The following SV2A variants were observed in gnomAD, a reference collection of about 807,000 sequenced individuals.
SV2A encodes synaptic vesicle glycoprotein 2A, also known as solute carrier family 22 member B1.
SV2A carries 25 observed loss-of-function variants against 78.0 expected under a neutral mutation model. The ratio of observed to expected loss-of-function variants is 0.32; its 90% CI spans 0.23 to 0.45. The LOEUF (loss-of-function observed/expected upper bound fraction) is 0.45, where lower values mean the gene tolerates loss of function less well. Among genes scored for constraint, SV2A ranks in the 20% least tolerant of loss-of-function variants. SV2A has a pLI of 1.00. For synonymous variants in SV2A, 355 were observed against 384.7 expected, an observed-to-expected ratio of 0.92 and a Z score of 0.90; for missense variants, 752 against 971.5, an observed-to-expected ratio of 0.77 and a Z score of 3.00.
At chr1:149,916,600 T>C (rs1553764568) in intron 1 of SV2A, among the ~76,000 whole-genome samples, 1 of 152,198 alleles carries the variant, frequency 6.6e-6, no homozygotes, top group African/African-American at 2.4e-5. Flanking sequence ...GAACAGCTCA[T>C]CCAGCCCTGG....
chr1:149,910,433 T>G lies in SV2A; in HGVS notation c.1089+137A>C. On this transcript the variant is annotated intron_variant, in intron 5 of 12. Coordinates refer to ENST00000369146, the MANE Select transcript of SV2A (RefSeq NM_014849.5). This position sits in a 1 kb window ranked among gnomAD's most constrained non-coding sequence, Gnocchi z 4.2. ...ATGCAAGATAAAGTCCCCTGGAGAG[T>G]GGACTCTGTGAGGAAGGCAGGCAGT... is the stretch of plus-strand genomic sequence containing the variant. 2 of 1,247,208 alleles carry G rather than the reference T, an allele frequency of 1.6e-6. No homozygotes were observed. Among genetic ancestry groups the G allele is most frequent in the Admixed American group, 2.9e-5 (1 of 34,336 alleles). 77.3% of individuals were successfully genotyped at this position (1,247,208 alleles called of 1,614,324 possible).
chr1:149,905,094 G>GGAT lies in SV2A; in HGVS notation c.2146_2148dup (p.Ile716dup). On this transcript the variant is annotated inframe_insertion, in exon 13 of 13. Transcript: ENST00000369146. ...AGGGCAAGGGCAGCTGAGGCAAAGA[G>GGAT]GATGGGTGCAGCCTTGGTGATTCCC... is the stretch of plus-strand genomic sequence containing the variant. 6.2e-7 allele frequency: 1 copy of GGAT among 1,613,480 alleles called. No homozygotes were observed. Among genetic ancestry groups the GGAT allele is most frequent in the South Asian group, 1.1e-5 (1 of 90,816 alleles).
chr1:149,909,700 A>T, intron 6 of SV2A, 101 bp downstream of exon 6: 1 of 1,455,790 alleles, frequency 6.9e-7, no homozygotes, highest in Non-Finnish European at 9.6e-7. Flanking sequence ...AAATCTCCTT[A>T]CGGTAGAGTG....
Position 149,904,835 on chromosome 1 carries a change from G to A in SV2A, c.*179C>T, listed in dbSNP as rs1051747686. 1.5e-5 allele frequency: 10 copies of A among 649,878 alleles called. No homozygotes were observed. Among genetic ancestry groups the A allele is most frequent in the Non-Finnish European group, 2.6e-5 (10 of 389,478 alleles). 40.3% of individuals were successfully genotyped at this position (649,878 alleles called of 1,614,324 possible). The stretch of plus-strand genomic sequence containing the variant: ...AAACTGGGATGAAGGAGCCTTCCCT[G>A]TAGTCCCTGCCCACGGGGTTTACAC... On this transcript the variant is annotated 3_prime_UTR_variant, in exon 13 of 13. Transcript: ENST00000369146.
At position 149,911,973 on chromosome 1, in the gene SV2A, G is replaced by A. The variant is rs782721025; in HGVS notation, c.630C>T (p.Ile210=). ...SDSNKGMLGL[I]VYLGMMVGAF... The stretch of plus-strand genomic sequence containing the variant: ...CTCCCACCATCATGCCCAGGTAGAC[G>A]ATGAGGCCTGGAAGGAGGAGGAAAA... Residue 210 remains isoleucine, a synonymous_variant, in exon 3 of 13, where the codon ATC becomes ATT. Coordinates refer to ENST00000369146, the MANE Select transcript of SV2A (RefSeq NM_014849.5). 30 of 1,613,734 alleles carry A rather than the reference G, an allele frequency of 1.9e-5. No homozygotes were observed. The highest frequency in any genetic ancestry group is 1.8e-4 in the South Asian group (16 of 91,038).
At chr1:149,911,731 G>T in intron 3 of SV2A, 69 bp downstream of exon 3, 2 of 1,482,352 alleles carry the variant, frequency 1.3e-6, no homozygotes, top group Non-Finnish European at 1.9e-6. Flanking sequence ...CACTGTGCTG[G>T]GCCCTAAAGA....
Position 149,914,069 on chromosome 1 carries a change from G to T in SV2A, c.-229C>A. ...GACCTATACCCAGTTCAGTTGGGTG[G>T]ATGGGGAAGGGACAGGGGGAGCAGG... On this transcript the variant is annotated 5_prime_UTR_variant, in exon 2 of 13. Transcript: ENST00000369146. The T allele has an allele frequency of 1.9e-6, 1 of 516,550 alleles. No individual in the cohort carries two copies. Among genetic ancestry groups the T allele is most frequent in the Non-Finnish European group, 3.2e-6 (1 of 311,102 alleles). The allele number at this position is 516,550 out of a possible 1,614,324, so 32.0% of individuals were successfully genotyped here.
At position 149,904,797 on chromosome 1, in the gene SV2A, C is replaced by T. The variant is rs1482915781; in HGVS notation, c.*217G>A. ...CAAGGGCAGTGGGAAATGGGGAGTACAGCTTCATCTCAAAACTGGGATGAA... is the reference window on the plus strand; with the variant it reads ...CAAGGGCAGTGGGAAATGGGGAGTATAGCTTCATCTCAAAACTGGGATGAA... On this transcript the variant is annotated 3_prime_UTR_variant, in exon 13 of 13. Coordinates refer to ENST00000369146, the MANE Select transcript of SV2A (RefSeq NM_014849.5). 7 of 531,342 alleles carry T rather than the reference C, an allele frequency of 1.3e-5. No homozygotes were observed. The highest frequency in any genetic ancestry group is 4.9e-4 in the Middle Eastern group (1 of 2,028). 32.9% of individuals were successfully genotyped at this position (531,342 alleles called of 1,614,324 possible).
At position 149,910,868 on chromosome 1, in the gene SV2A, C is replaced by T. The variant is rs781948463; in HGVS notation, c.913G>A (p.Val305Met). 23 of 1,614,088 alleles carry T rather than the reference C, an allele frequency of 1.4e-5. No individual in the cohort carries two copies. Among genetic ancestry groups the T allele is most frequent in the East Asian group, 6.7e-5 (3 of 44,900 alleles). The change falls in exon 4 of 13, where the codon GTG becomes ATG. Residue 305 changes from valine (V) to methionine (M), a missense_variant. Coordinates refer to ENST00000369146, the MANE Select transcript of SV2A (RefSeq NM_014849.5). The surrounding 1 kb of genome is among the most constrained non-coding windows in gnomAD (Gnocchi z 4.2). ...GCCCAGGCCATAGCAGCTGCGTACA[C>T]GCCACCAATCATCCAAAACATGCAG... The part of the protein sequence containing the change: ...WLCMFWMIGG[V>M]YAAAMAWAII...
Position 149,913,819 on chromosome 1 carries a change from G to C in SV2A, c.22C>G (p.Arg8Gly). 6.2e-7 allele frequency: 1 copy of C among 1,609,704 alleles called. No individual in the cohort carries two copies. The highest frequency in any genetic ancestry group is 8.5e-7 in the Non-Finnish European group (1 of 1,176,862). The change falls in exon 2 of 13, where the codon CGG becomes GGG. Residue 8 changes from arginine (R) to glycine (G), a missense_variant. By Grantham distance (125) the Arg-to-Gly change is moderately radical (BLOSUM62 -2). Around this residue, in one of 7 missense-constraint regions of SV2A, gnomAD observed 291 missense variants for 359.5 expected, o/e 0.81. Transcript: ENST00000369146. ...TTGGCCCCACGGATGAAAGCTGCCC[G>C]GTCTCGGAAGCCCTCTTCCATGATG... MEEGFRD[R>G]AAFIRGAKDI... is the part of the protein sequence containing the mutation.
In SV2A at chr1:149,905,875, A is replaced by G. The variant is rs782538464; in HGVS notation, c.2045+5T>C. ...ACTGCCCTGCCTCCAACACATTCCA[A>G]CTACCTCTTGTCTGAGGGGTAGAGT... On this transcript the variant is annotated splice_donor_5th_base_variant and intron_variant, in intron 12 of 12. Coordinates refer to ENST00000369146, the MANE Select transcript of SV2A (RefSeq NM_014849.5). The G allele has an allele frequency of 3.7e-6, 6 of 1,613,640 alleles. No homozygotes were observed. The highest frequency in any genetic ancestry group is 2.7e-5 in the African/African-American group (2 of 74,818).
chr1:149,917,419 C>T (rs2092522034), intron 1 of SV2A, among the ~76,000 whole-genome samples: 1 of 152,166 alleles, frequency 6.6e-6, no homozygotes, highest in Non-Finnish European at 1.5e-5. Context: ...GAGGGAACCT[C>T]ATCCCACCTC....
At chr1:149,908,800 G>A (rs1464950158) in intron 8 of SV2A, among the ~76,000 whole-genome samples, 4 of 152,056 alleles carry the variant, frequency 2.6e-5, no homozygotes, top group African/African-American at 9.7e-5. Flanking sequence ...ACCATGCCCG[G>A]CTAATTTTTT....
intron 11 of SV2A, 56 bp from the exon 12 acceptor site, chr1:149,906,095 C>T: frequency 4.4e-6 from 7 of 1,593,338 alleles, no homozygotes; most frequent in East Asian, 2.3e-5. Flanking sequence ...AACCCACCCA[C>T]AGCCCACCCT....
intron 6 of SV2A, 69 bp downstream of exon 6, chr1:149,909,732 C>G: frequency 6.4e-7 from 1 of 1,559,880 alleles, no homozygotes; most frequent in Non-Finnish European, 8.8e-7. Context: ...GGGGGGTACT[C>G]AGAGAGGGGC....
intron 1 of SV2A, among the ~76,000 whole-genome samples, chr1:149,915,913 G>A (rs61807546): frequency 0.018 from 2,461 of 137,454 alleles, 30 homozygotes; most frequent in Non-Finnish European, 0.025. Context: ...ACACACACAC[G>A]CACACACACA....
intron 6 of SV2A, 108 bp from the exon 7 acceptor site, chr1:149,909,679 T>C (rs908843826): frequency 7.0e-7 from 1 of 1,435,716 alleles, no homozygotes; most frequent in East Asian, 2.3e-5. Context: ...GAGGTGGATA[T>C]GATACCCTGA....
At chr1:149,909,748 A>C (rs2092463500) in intron 6 of SV2A, 53 bp downstream of exon 6, 1 of 1,590,786 alleles carries the variant, frequency 6.3e-7, no homozygotes, top group South Asian at 1.1e-5. Context: ...GGGGCCAGGT[A>C]GGGGCTGGGG....
At chr1:149,908,854 C>T (rs1274738242) in intron 8 of SV2A, among the ~76,000 whole-genome samples, 3 of 152,000 alleles carry the variant, frequency 2.0e-5, no homozygotes, top group Admixed American at 6.6e-5. Flanking sequence ...AGGATGGTCT[C>T]GATCTCCTAA....
Sources: allele counts gnomAD v4.1 joint callset (sites outside exome capture counted in the v4.1 genomes callset), GRCh38; gene constraint gnomAD v4.1.1; regional missense constraint gnomAD v4.1.1; non-coding constraint Gnocchi (gnomAD v3.1); transcripts MANE v1.5; gene names NCBI Gene and HGNC (gene_info 2026-07-23, HGNC 2026-07-21).